Variants in EXOC4 observed in about 807,000 individuals in gnomAD.
EXOC4 encodes the protein exocyst complex component 4.
Under a neutral mutation model 107.2 loss-of-function variants are expected in EXOC4, and 71 were observed. The observed-to-expected ratio is 0.66, with a 90% CI of 0.55 to 0.81. The LOEUF is 0.81. EXOC4 is among the 30% of genes least tolerant of loss of function. The pLI is 0.00. For missense variants in EXOC4, 1,108 were observed against 1,189.6 expected, an observed-to-expected ratio of 0.93 and a Z score of 1.01; for synonymous variants, 456 against 441.2, an observed-to-expected ratio of 1.03 and a Z score of -0.42.
At chr7:133,595,530 A>G (rs1471958395) in intron 9 of EXOC4, among the ~76,000 whole-genome samples, 2 of 152,194 alleles carry the variant, frequency 1.3e-5, no homozygotes, top group African/African-American at 2.4e-5. Flanking sequence ...TGTATGTCAG[A>G]AAAACATTTT....
rs76085445 is a variant in EXOC4, at chr7:133,991,531, A to G, written c.2207-5961A>G. 6.3e-3 allele frequency among the ~76,000 whole-genome samples: 957 copies of G among 152,208 alleles called. 6 individuals are homozygous for G. The highest frequency in any genetic ancestry group is 0.011 in the Non-Finnish European group (734 of 67,994). On this transcript the variant is annotated intron_variant, in intron 14 of 17. Transcript: ENST00000253861. ...TACCCAAAAATCTTTGCCCATATCA[A>G]TGTCCTGTAGCATTTCCCCAATGCT...
intron 7 of EXOC4, among the ~76,000 whole-genome samples, chr7:133,466,517 A>G (rs577418876): frequency 6.6e-6 from 1 of 152,322 alleles, no homozygotes; most frequent in South Asian, 2.1e-4. Flanking sequence ...AAGAAGAAAC[A>G]GAAAATCTGA....
Position 133,832,197 on chromosome 7 carries a change from T to C in EXOC4, c.1734+14653T>C, listed in dbSNP as rs1797825288. ...ATACTCATTTCTAGTGTTACTTAGG[T>C]CAGTACCTTTTCTCCCTACACCCTT... On this transcript the variant is annotated intron_variant, in intron 11 of 17. Coordinates refer to ENST00000253861, the MANE Select transcript of EXOC4 (RefSeq NM_021807.4). Among the ~76,000 whole-genome samples the C allele has an allele frequency of 1.3e-5, 2 of 152,222 alleles. 1 individual carries two copies. The highest frequency in any genetic ancestry group is 3.8e-4 in the East Asian group (2 of 5,204).
intron 7 of EXOC4, among the ~76,000 whole-genome samples, chr7:133,416,261 T>G (rs960037888): frequency 3.9e-5 from 6 of 152,198 alleles, no homozygotes; most frequent in African/African-American, 1.4e-4. Flanking sequence ...GAAGTTTGCC[T>G]TGTGCATCAA....
intron 7 of EXOC4, among the ~76,000 whole-genome samples, chr7:133,424,272 G>C (rs1017112846): frequency 2.0e-5 from 3 of 152,146 alleles, no homozygotes; most frequent in African/African-American, 7.2e-5. Context: ...CTTATGAGCT[G>C]TAACACTCAC....
chr7:133,851,763 C>G (rs1432537861), intron 11 of EXOC4, among the ~76,000 whole-genome samples: 1 of 152,144 alleles, frequency 6.6e-6, no homozygotes, highest in Non-Finnish European at 1.5e-5. Flanking sequence ...GCTGTGTTAC[C>G]ATGGCTCAGG....
At chr7:133,907,433 A>G (rs112830397) in intron 12 of EXOC4, among the ~76,000 whole-genome samples, 2,986 of 152,280 alleles carry the variant, frequency 0.02, 117 homozygotes, top group African/African-American at 0.068. Context: ...GGGAAACTTC[A>G]AAACATACAT....
At chr7:133,414,187 C>T (rs180882794) in intron 7 of EXOC4, among the ~76,000 whole-genome samples, 5 of 152,226 alleles carry the variant, frequency 3.3e-5, no homozygotes, top group Admixed American at 2.6e-4. Flanking sequence ...AGGCAATTCA[C>T]ATAGGTGAAT....
chr7:134,056,500 T>C (rs575456265), intron 17 of EXOC4, among the ~76,000 whole-genome samples: 4 of 151,612 alleles, frequency 2.6e-5, no homozygotes, highest in African/African-American at 7.3e-5. Flanking sequence ...CTGATCAATA[T>C]TTATAAAAAC....
chr7:133,287,641 G>A (rs1794312477), intron 2 of EXOC4, among the ~76,000 whole-genome samples: 2 of 152,144 alleles, frequency 1.3e-5, no homozygotes, highest in Admixed American at 1.3e-4. Flanking sequence ...AGGTTACAAG[G>A]TCTTCTTATT....
chr7:133,860,681 G>A (rs1040776138), intron 11 of EXOC4, among the ~76,000 whole-genome samples: 5 of 147,504 alleles, frequency 3.4e-5, no homozygotes, highest in Admixed American at 3.3e-4. Context: ...CTTAATAGAT[G>A]TTACTTCTTT....
intron 7 of EXOC4, among the ~76,000 whole-genome samples, chr7:133,390,530 C>A (rs1268398466): frequency 1.3e-5 from 2 of 152,020 alleles, no homozygotes; most frequent in Non-Finnish European, 2.9e-5. Flanking sequence ...GTGGGCGGGG[C>A]CAGCTATAGG....
intron 9 of EXOC4, among the ~76,000 whole-genome samples, chr7:133,590,360 G>T (rs1445293143): frequency 6.6e-6 from 1 of 152,084 alleles, no homozygotes; most frequent in Non-Finnish European, 1.5e-5. Context: ...AACAATCATA[G>T]CTCCTTTTGA....
chr7:133,518,806 A>G (rs974136106), intron 9 of EXOC4, among the ~76,000 whole-genome samples: 1 of 152,140 alleles, frequency 6.6e-6, no homozygotes, highest in African/African-American at 2.4e-5. Context: ...AACAGAAAGA[A>G]TGATGGCTGT....
At chr7:133,608,737 C>T (rs191934189) in intron 9 of EXOC4, among the ~76,000 whole-genome samples, 1 of 151,622 alleles carries the variant, frequency 6.6e-6, no homozygotes, top group East Asian at 1.9e-4. Context: ...TTAGTAGAGA[C>T]AGGGTTTTAC....
intron 7 of EXOC4, among the ~76,000 whole-genome samples, chr7:133,457,544 G>A (rs371320310): frequency 6.6e-6 from 1 of 152,060 alleles, no homozygotes; most frequent in African/African-American, 2.4e-5. Flanking sequence ...ATTAGGTTGC[G>A]TATCAAAATT....
chr7:133,472,192 A>G (rs1798895995), intron 7 of EXOC4, among the ~76,000 whole-genome samples: 1 of 152,210 alleles, frequency 6.6e-6, no homozygotes, highest in Non-Finnish European at 1.5e-5. Flanking sequence ...TAGCCTTCTG[A>G]TGATAGCAGC....
intron 2 of EXOC4, among the ~76,000 whole-genome samples, chr7:133,285,622 T>C (rs904979039): frequency 6.6e-6 from 1 of 152,212 alleles, no homozygotes; most frequent in African/African-American, 2.4e-5. Context: ...TTATCCCTTG[T>C]GTTCTTACAT....
chr7:133,818,013 T>C (rs970098129), intron 11 of EXOC4, among the ~76,000 whole-genome samples: 5 of 152,200 alleles, frequency 3.3e-5, no homozygotes, highest in Non-Finnish European at 7.3e-5. Flanking sequence ...AACTGACCTT[T>C]AAAAGTCAAA....
Sources: allele counts gnomAD v4.1 joint callset (sites outside exome capture counted in the v4.1 genomes callset), GRCh38; gene constraint gnomAD v4.1.1; transcripts MANE v1.5; gene names NCBI Gene and HGNC (gene_info 2026-07-23, HGNC 2026-07-21).